The following FARSB variants were observed in gnomAD, a reference collection of about 807,000 sequenced individuals.
The protein encoded by FARSB is phenylalanyl-tRNA synthetase subunit beta, also known as phenylalanine--tRNA ligase beta subunit.
FARSB carries 40 observed loss-of-function variants against 69.6 expected under a neutral mutation model. The ratio of observed to expected loss-of-function variants is 0.57; its 90% CI spans 0.45 to 0.75. The LOEUF (loss-of-function observed/expected upper bound fraction) is 0.75. Ranked by LOEUF, FARSB falls within the 30% of genes least tolerant of loss-of-function variation. The probability of loss-of-function intolerance (pLI) is 0.00; values close to 1 mark genes in which losing one functional copy is unlikely to be tolerated. For synonymous variants in FARSB, 235 were observed against 247.2 expected (o/e 0.95, Z 0.46); for missense variants, 632 against 722.9 (o/e 0.87, Z 1.44).
intron 13 of FARSB, among the ~76,000 whole-genome samples, chr2:222,622,541 T>A (rs1038376288): frequency 2.0e-5 from 3 of 152,220 alleles, no homozygotes; most frequent in African/African-American, 4.8e-5. Context: ...AATATATTTT[T>A]CAATGTTATT....
chr2:222,615,755 G>A (rs149493711), intron 14 of FARSB, among the ~76,000 whole-genome samples: 1 of 152,236 alleles, frequency 6.6e-6, no homozygotes, highest in East Asian at 1.9e-4. Context: ...ATTGTGTTTT[G>A]AATGAAAAAG....
chr2:222,594,526 G>C (rs899816291), intron 16 of FARSB, among the ~76,000 whole-genome samples: 1 of 152,104 alleles, frequency 6.6e-6, no homozygotes, highest in Admixed American at 6.5e-5. Context: ...ATACAGCACA[G>C]CTATACGTAC....
intron 8 of FARSB, 50 bp downstream of exon 8, chr2:222,631,549 GAAATA>G (rs1268492281): frequency 1.0e-6 from 1 of 965,610 alleles, no homozygotes; most frequent in African/African-American, 1.6e-5. Flanking sequence ...TCTTGGTCCG[GAAATA>G]AAATCTATCC....
intron 3 of FARSB, among the ~76,000 whole-genome samples, chr2:222,642,105 G>A (rs941627959): frequency 1.3e-5 from 2 of 151,224 alleles, no homozygotes; most frequent in Non-Finnish European, 2.9e-5. Context: ...AGGTTCAAAC[G>A]ATTCTGTGCC....
chr2:222,579,080 T>A (rs1390178107), intron 16 of FARSB, among the ~76,000 whole-genome samples: 1 of 152,178 alleles, frequency 6.6e-6, no homozygotes, highest in Non-Finnish European at 1.5e-5. Context: ...GGCCAAGCCC[T>A]TTGTGGGACA....
At chr2:222,640,792 C>A in intron 4 of FARSB, 70 bp downstream of exon 4, 2 of 761,090 alleles carry the variant, frequency 2.6e-6, no homozygotes, top group Non-Finnish European at 2.2e-6. Context: ...GTTTCTCTTT[C>A]CTCCCCACTT....
chr2:222,572,361 A>ATT, intron 16 of FARSB, among the ~76,000 whole-genome samples: 1 of 152,172 alleles, frequency 6.6e-6, no homozygotes. Context: ...TGGTCCTAAA[A>ATT]AGGCCAAAAG....
At chr2:222,592,326 T>C (rs750475533) in intron 16 of FARSB, among the ~76,000 whole-genome samples, 17 of 152,144 alleles carry the variant, frequency 1.1e-4, no homozygotes, top group Non-Finnish European at 1.9e-4. Context: ...TTAATCCTTC[T>C]GGAGTAGAGC....
At chr2:222,575,977 C>CT (rs34794440) in intron 16 of FARSB, among the ~76,000 whole-genome samples, 670 of 143,106 alleles carry the variant, frequency 4.7e-3, no homozygotes, top group Non-Finnish European at 6.6e-3. Flanking sequence ...TTTGCCTCAT[C>CT]TTTTTTTTTT....
At chr2:222,579,159 A>T (rs1029572999) in intron 16 of FARSB, among the ~76,000 whole-genome samples, 1 of 152,194 alleles carries the variant, frequency 6.6e-6, no homozygotes, top group Non-Finnish European at 1.5e-5. Flanking sequence ...AAGCAATAGT[A>T]GAGGCTGGAG....
chr2:222,599,936 G>A lies in FARSB; in HGVS notation c.1610C>T (p.Ala537Val), dbSNP rs765697968. Residue 537 changes from alanine (A) to valine (V), a missense_variant, in exon 16 of 17, where the codon GCA becomes GTA. Physicochemically the swap from Ala to Val is moderately conservative, Grantham distance 64. Coordinates refer to ENST00000281828, the MANE Select transcript of FARSB (RefSeq NM_005687.5). Reference protein sequence around the residue: ...GEDKGGYVIKASEGPAFFPGR... With the variant: ...GEDKGGYVIKVSEGPAFFPGR... ...CGGCTCATCTGTCTTACCTTCTGAT[G>A]CTTTGATCACATATCCCCCCTTGTC... 1.9e-6 allele frequency: 3 copies of A among 1,596,864 alleles called. No homozygotes were observed.
chr2:222,627,057 A>T (rs1278464703), intron 10 of FARSB, among the ~76,000 whole-genome samples: 1 of 152,178 alleles, frequency 6.6e-6, no homozygotes, highest in Non-Finnish European at 1.5e-5. Flanking sequence ...AAGAAGAAGA[A>T]GAAAAAGAAA....
rs540897663 is a variant in FARSB at position 222,646,233 on chromosome 2, C to G, written c.114+2507G>C. Among the ~76,000 whole-genome samples, 15 of 152,268 alleles carry G rather than the reference C, an allele frequency of 9.9e-5. No individual in the cohort carries two copies. In the South Asian group the frequency reaches 1.7e-3, roughly 17 times the overall value. On this transcript the variant is annotated intron_variant, in intron 2 of 16. Transcript: ENST00000281828. ...GTGGGAGGAGAGTCACTACAGACACCAAGAATCCATTCAGGCATGTCTTTA... is the reference window on the plus strand; with the variant it reads ...GTGGGAGGAGAGTCACTACAGACACGAAGAATCCATTCAGGCATGTCTTTA...
chr2:222,648,105 C>T (rs1288874058), intron 2 of FARSB, among the ~76,000 whole-genome samples: 1 of 152,018 alleles, frequency 6.6e-6, no homozygotes, highest in Non-Finnish European at 1.5e-5. Flanking sequence ...GGACTCAGAC[C>T]CCCAACCCCA....
At chr2:222,634,653 A>G in intron 5 of FARSB, 112 bp from the exon 6 acceptor site, 1 of 731,744 alleles carries the variant, frequency 1.4e-6, no homozygotes. Flanking sequence ...TATAGACTAC[A>G]TATTTTTTTT....
At chr2:222,620,527 C>A (rs1162944588) in intron 13 of FARSB, among the ~76,000 whole-genome samples, 1 of 152,232 alleles carries the variant, frequency 6.6e-6, no homozygotes, top group Non-Finnish European at 1.5e-5. Flanking sequence ...AAATTAAAAA[C>A]TCACTGACGA....
chr2:222,595,923 T>C (rs908542206), intron 16 of FARSB, among the ~76,000 whole-genome samples: 2 of 149,764 alleles, frequency 1.3e-5, no homozygotes, highest in African/African-American at 2.4e-5. Context: ...AGAAAAAGCA[T>C]ATATATATAT....
chr2:222,598,247 AG>A (rs766065157), intron 16 of FARSB, among the ~76,000 whole-genome samples: 4 of 152,264 alleles, frequency 2.6e-5, no homozygotes, highest in Non-Finnish European at 5.9e-5. Context: ...GCTTGACAGC[AG>A]CACCTGTGTC....
At chr2:222,624,208 C>T in intron 12 of FARSB, 64 bp downstream of exon 12, 1 of 1,093,420 alleles carries the variant, frequency 9.1e-7, no homozygotes, top group Non-Finnish European at 1.4e-6. Context: ...TTCTCGAAGC[C>T]TTCCTGGCAT....
Sources: gnomAD v4.1 joint callset for allele counts (sites outside exome capture counted in the v4.1 genomes callset) on GRCh38, gnomAD v4.1.1 for gene constraint, MANE v1.5 for transcripts, NCBI Gene and HGNC (gene_info 2026-07-23, HGNC 2026-07-21) for gene names.